SLC25A48: variants seen among roughly 807,000 people sequenced by gnomAD.
SLC25A48 encodes solute carrier family 25 member 48, also known as CTC-321K16.1.
Under a neutral mutation model 32.2 loss-of-function variants are expected in SLC25A48, and 29 were observed. The ratio of observed to expected loss-of-function variants is 0.90; its 90% CI spans 0.67 to 1.23. The LOEUF (loss-of-function observed/expected upper bound fraction) is 1.23, where lower values mean the gene tolerates loss of function less well. Among genes scored for constraint, SLC25A48 ranks in the 50% most tolerant of loss-of-function variants. The probability of loss-of-function intolerance (pLI) is 0.00; values close to 1 mark genes in which losing one functional copy is unlikely to be tolerated. For synonymous variants in SLC25A48, 164 were observed against 172.3 expected, an observed-to-expected ratio of 0.95 and a Z score of 0.38; for missense variants, 399 against 422.7, an observed-to-expected ratio of 0.94 and a Z score of 0.49.
chr5:135,800,151 C>T (rs1757285786), intron 3 of SLC25A48, among the ~76,000 whole-genome samples: 1 of 151,736 alleles, frequency 6.6e-6, no homozygotes, highest in Non-Finnish European at 1.5e-5. Context: ...TACAACCCGC[C>T]TGTGATATTG....
At chr5:135,830,536 C>A (rs983890233), upstream of SLC25A48, among the ~76,000 whole-genome samples, 1 of 152,226 alleles carries the variant, frequency 6.6e-6, no homozygotes, top group African/African-American at 2.4e-5. Flanking sequence ...TGACTGCCAG[C>A]CTCAAGCTGA....
chr5:135,848,259 T>C (rs896238685), intron 2 of SLC25A48, among the ~76,000 whole-genome samples: 1 of 152,184 alleles, frequency 6.6e-6, no homozygotes, highest in African/African-American at 2.4e-5. Flanking sequence ...ATTGATTACT[T>C]GTTGCAGGGG....
intron 3 of SLC25A48, among the ~76,000 whole-genome samples, chr5:135,761,466 A>T (rs1035668813): frequency 5.3e-5 from 8 of 152,168 alleles, no homozygotes; most frequent in African/African-American, 1.2e-4. Context: ...TATATATATA[A>T]AAAAAGAAGA....
At chr5:135,677,922 C>G (rs1265529118) in intron 3 of SLC25A48, among the ~76,000 whole-genome samples, 2 of 152,106 alleles carry the variant, frequency 1.3e-5, no homozygotes, top group South Asian at 4.1e-4. Context: ...GTGACTAGAC[C>G]CTTTTCTCTT....
intron 3 of SLC25A48, among the ~76,000 whole-genome samples, chr5:135,735,622 C>A (rs1755341216): frequency 1.3e-5 from 2 of 152,208 alleles, no homozygotes; most frequent in Middle Eastern, 6.8e-3. Context: ...CTGATAGTTC[C>A]ATTGGGGATC....
chr5:135,682,059 C>T (rs1357462105), intron 3 of SLC25A48, among the ~76,000 whole-genome samples: 1 of 152,208 alleles, frequency 6.6e-6, no homozygotes, highest in Non-Finnish European at 1.5e-5. Context: ...GCAATTCTCT[C>T]CTCTCTGGTA....
chr5:135,836,489 A>G (rs151101373), intron 1 of SLC25A48, among the ~76,000 whole-genome samples: 3 of 152,048 alleles, frequency 2.0e-5, no homozygotes, highest in Non-Finnish European at 4.4e-5. Flanking sequence ...TATTTTATGT[A>G]TTATAAAATT....
intron 3 of SLC25A48, among the ~76,000 whole-genome samples, chr5:135,741,414 A>G (rs1375065024): frequency 6.6e-6 from 1 of 152,200 alleles, no homozygotes; most frequent in African/African-American, 2.4e-5. Flanking sequence ...ATCAAGGATC[A>G]TATGTTGGTA....
chr5:135,630,975 G>A (rs1054217711), intron 2 of SLC25A48, among the ~76,000 whole-genome samples: 4 of 152,112 alleles, frequency 2.6e-5, no homozygotes, highest in African/African-American at 4.8e-5. Context: ...GGCCTTGTTT[G>A]AAGCTGGCAG....
At chr5:135,678,837 G>T (rs1464122136) in intron 3 of SLC25A48, among the ~76,000 whole-genome samples, 3 of 152,184 alleles carry the variant, frequency 2.0e-5, no homozygotes, top group Non-Finnish European at 4.4e-5. Context: ...GTAGCTTAGG[G>T]TGTGGTTGTT....
chr5:135,662,831 AT>A, intron 3 of SLC25A48, among the ~76,000 whole-genome samples: 1 of 151,966 alleles, frequency 6.6e-6, no homozygotes, highest in South Asian at 2.1e-4. Flanking sequence ...GTGTCCTCCA[AT>A]TCCCCCTCTA....
intron 2 of SLC25A48, among the ~76,000 whole-genome samples, chr5:135,846,423 T>C (rs1759425103): frequency 6.6e-6 from 1 of 152,140 alleles, no homozygotes; most frequent in African/African-American, 2.4e-5. Context: ...GCCCCCTCAC[T>C]ACCCAGTCCA....
At chr5:135,644,786 G>A (rs940645711) in intron 3 of SLC25A48, among the ~76,000 whole-genome samples, 12 of 152,134 alleles carry the variant, frequency 7.9e-5, no homozygotes, top group African/African-American at 2.9e-4. Context: ...CCTCATGCCC[G>A]GGAGGTCACT....
At chr5:135,872,740 G>T (rs544905807) in intron 5 of SLC25A48, 1 of 152,436 alleles carries the variant, frequency 6.6e-6, no homozygotes, top group South Asian at 2.1e-4. Flanking sequence ...TGATGGGAAA[G>T]ATCTAACAGA....
chr5:135,872,030 A>G (rs1286841929), intron 5 of SLC25A48: 2 of 1,272,472 alleles, frequency 1.6e-6, no homozygotes, highest in African/African-American at 3.0e-5. Context: ...AGTTTATTAA[A>G]TGCAATCTTT....
intron 7 of SLC25A48, among the ~76,000 whole-genome samples, chr5:135,880,440 G>A (rs1762383142): frequency 1.3e-5 from 2 of 152,252 alleles, no homozygotes; most frequent in South Asian, 4.1e-4. Context: ...AGGCTCACAA[G>A]TGAGGACTGC....
chr5:135,835,349 G>A (rs770268447), intron 1 of SLC25A48, among the ~76,000 whole-genome samples: 1 of 148,246 alleles, frequency 6.7e-6, no homozygotes, highest in Admixed American at 6.7e-5. Flanking sequence ...CCAACGGGGC[G>A]TCCCGACTGG....
chr5:135,623,943 C>T (rs941682049), intron 1 of SLC25A48, among the ~76,000 whole-genome samples: 6 of 152,316 alleles, frequency 3.9e-5, no homozygotes, highest in Admixed American at 3.3e-4. Context: ...GGCTCTCCAG[C>T]CTCACCTTCA....
intron 3 of SLC25A48, among the ~76,000 whole-genome samples, chr5:135,732,590 T>C (rs1021169152): frequency 6.6e-6 from 1 of 152,132 alleles, no homozygotes; most frequent in African/African-American, 2.4e-5. Flanking sequence ...AGAAGTGATT[T>C]CCTTAAGGAT....
Sources: gnomAD v4.1 joint callset for allele counts (sites outside exome capture counted in the v4.1 genomes callset) on GRCh38, gnomAD v4.1.1 for gene constraint, MANE v1.5 for transcripts, NCBI Gene and HGNC (gene_info 2026-07-23, HGNC 2026-07-21) for gene names.